The following ITFG1 variants were observed in gnomAD, a reference collection of about 807,000 sequenced individuals.
The protein encoded by ITFG1 is T-cell immunomodulatory protein.
In ITFG1, 34 loss-of-function variants were observed where a neutral mutation model predicts 81.8. That is an observed-to-expected ratio of 0.42 (90% CI 0.32 to 0.55). The LOEUF (loss-of-function observed/expected upper bound fraction) is 0.55. Ranked by LOEUF, ITFG1 falls within the 20% of genes least tolerant of loss-of-function variation. ITFG1 has a pLI of 0.17. For synonymous variants in ITFG1, 285 were observed against 270.6 expected, an observed-to-expected ratio of 1.05 and a Z score of -0.52; for missense variants, 672 against 755.4, an observed-to-expected ratio of 0.89 and a Z score of 1.29.
chr16:47,348,174 G>A lies in ITFG1; in HGVS notation c.802+17614C>T, dbSNP rs187434997. Among the ~76,000 whole-genome samples the A allele has an allele frequency of 3.7e-3, 557 of 152,298 alleles. 2 individuals carry two copies. Among genetic ancestry groups the A allele is most frequent in the Non-Finnish European group, 6.1e-3 (418 of 68,016 alleles). On this transcript the variant is annotated intron_variant, in intron 8 of 17. Coordinates refer to ENST00000320640, the MANE Select transcript of ITFG1 (RefSeq NM_030790.5). ...AGCACCTCTCCTCCTCCAAAGGAACGCAACTCCTCACCAGCAACGGAACAA... is the reference window on the plus strand; with the variant it reads ...AGCACCTCTCCTCCTCCAAAGGAACACAACTCCTCACCAGCAACGGAACAA...
At chr16:47,269,614 T>TA (rs1966315316) in intron 10 of ITFG1, among the ~76,000 whole-genome samples, 1 of 151,548 alleles carries the variant, frequency 6.6e-6, no homozygotes, top group African/African-American at 2.4e-5. Context: ...GAAACACTGT[T>TA]AAAAAATTAA....
chr16:47,178,470 T>A, intron 14 of ITFG1, among the ~76,000 whole-genome samples: 1 of 152,156 alleles, frequency 6.6e-6, no homozygotes, highest in Non-Finnish European at 1.5e-5. Context: ...AAACAAGAAA[T>A]GGGGAAAGGA....
At chr16:47,351,182 T>C (rs1038421905) in intron 8 of ITFG1, among the ~76,000 whole-genome samples, 1 of 152,142 alleles carries the variant, frequency 6.6e-6, no homozygotes, top group Non-Finnish European at 1.5e-5. Flanking sequence ...ACCACTAATA[T>C]TCAACATAGT....
At chr16:47,354,139 C>G (rs1208720635) in intron 8 of ITFG1, among the ~76,000 whole-genome samples, 2 of 152,028 alleles carry the variant, frequency 1.3e-5, no homozygotes, top group African/African-American at 4.8e-5. Context: ...ACCATAATAC[C>G]TTACTTTAAA....
At chr16:47,190,756 C>G (rs1356231981) in intron 14 of ITFG1, among the ~76,000 whole-genome samples, 1 of 152,090 alleles carries the variant, frequency 6.6e-6, no homozygotes, top group Non-Finnish European at 1.5e-5. Context: ...ACAAATTAAC[C>G]TAAAATTTAC....
At chr16:47,369,419 A>T (rs1968220443) in intron 7 of ITFG1, among the ~76,000 whole-genome samples, 2 of 152,156 alleles carry the variant, frequency 1.3e-5, no homozygotes, top group Non-Finnish European at 2.9e-5. Context: ...AGGGTTCTGG[A>T]GAGGTCAAAT....
chr16:47,377,704 T>C (rs1258961093), intron 6 of ITFG1, among the ~76,000 whole-genome samples: 2 of 152,162 alleles, frequency 1.3e-5, no homozygotes, highest in Non-Finnish European at 1.5e-5. Context: ...TCCGCTGTTA[T>C]TCTCCTTTGC....
At chr16:47,300,482 G>C (rs1333914790) in intron 10 of ITFG1, among the ~76,000 whole-genome samples, 1 of 152,134 alleles carries the variant, frequency 6.6e-6, no homozygotes, top group African/African-American at 2.4e-5. Flanking sequence ...AAGGTTCCTG[G>C]GCAAAGAAAG....
At chr16:47,457,623 TG>T (rs1347914529) in intron 2 of ITFG1, among the ~76,000 whole-genome samples, 1 of 152,028 alleles carries the variant, frequency 6.6e-6, no homozygotes, top group Non-Finnish European at 1.5e-5. Context: ...AGAATAAGGG[TG>T]AAGAATAGTT....
At chr16:47,329,111 T>G (rs1202707823) in intron 8 of ITFG1, among the ~76,000 whole-genome samples, 1 of 152,196 alleles carries the variant, frequency 6.6e-6, no homozygotes, top group Non-Finnish European at 1.5e-5. Context: ...GATGGTAAAG[T>G]AATATCATTG....
rs866091838 is a variant in ITFG1 at position 47,360,584 on chromosome 16, A to G, written c.802+5204T>C. ...TCTGCTTTCTAGCTTCTTTTATAAT[A>G]TAATCATCACCTGTTTATTTGAAGG... is the stretch of plus-strand genomic sequence containing the variant. On this transcript the variant is annotated intron_variant, in intron 8 of 17. Coordinates refer to ENST00000320640, the MANE Select transcript of ITFG1 (RefSeq NM_030790.5). 2.2e-4 allele frequency among the ~76,000 whole-genome samples: 34 copies of G among 152,310 alleles called. No individual in the cohort carries two copies. In the Middle Eastern group the frequency reaches 0.01, roughly 46 times the overall value.
chr16:47,366,101 T>A (rs1776796486), intron 7 of ITFG1, among the ~76,000 whole-genome samples: 1 of 152,208 alleles, frequency 6.6e-6, no homozygotes, highest in Non-Finnish European at 1.5e-5. Flanking sequence ...AATTCTAGTA[T>A]CTTTTACCAA....
At chr16:47,238,249 T>A in intron 12 of ITFG1, 1 of 320,826 alleles carries the variant, frequency 3.1e-6, no homozygotes, top group Non-Finnish European at 5.7e-6. Flanking sequence ...GTGAGATAAA[T>A]TATGATTATA....
Position 47,225,983 on chromosome 16 carries a change from C to G in ITFG1, c.1375-7037G>C, listed in dbSNP as rs1378321906. Among the ~76,000 whole-genome samples, 5 of 152,074 alleles carry G rather than the reference C, an allele frequency of 3.3e-5. No homozygotes were observed. The East Asian group carries it at 7.7e-4, about 24-fold the overall frequency. Reference sequence around the variant, plus strand: ...CTTTTCTCTTACCTGATATAAAAGACTATTGTTTGAAACAATAATTATAAA... The same window carrying G: ...CTTTTCTCTTACCTGATATAAAAGAGTATTGTTTGAAACAATAATTATAAA... On this transcript the variant is annotated intron_variant, in intron 13 of 17. Transcript: ENST00000320640.
intron 6 of ITFG1, among the ~76,000 whole-genome samples, chr16:47,382,665 G>A (rs1184957756): frequency 7.0e-6 from 1 of 143,540 alleles, no homozygotes; most frequent in Non-Finnish European, 1.5e-5. Flanking sequence ...GTGGGGGTGG[G>A]TGGTGGAAAC....
chr16:47,312,043 TAGTAA>T (rs1967273490), intron 9 of ITFG1: 1 of 152,192 alleles, frequency 6.6e-6, no homozygotes, highest in African/African-American at 2.4e-5. Flanking sequence ...GCTACATTTT[TAGTAA>T]ATTCCTTTAT....
At chr16:47,304,561 G>C (rs1428781760) in intron 10 of ITFG1, among the ~76,000 whole-genome samples, 1 of 152,168 alleles carries the variant, frequency 6.6e-6, no homozygotes. Flanking sequence ...ATTCCTTTGA[G>C]CATAAATGTT....
intron 5 of ITFG1, among the ~76,000 whole-genome samples, chr16:47,442,704 A>G (rs1289497536): frequency 1.3e-5 from 2 of 152,310 alleles, no homozygotes; most frequent in East Asian, 3.9e-4. Flanking sequence ...CCATATGGAG[A>G]AAGCTGAAAC....
intron 10 of ITFG1, among the ~76,000 whole-genome samples, chr16:47,275,170 C>T (rs1474419576): frequency 6.6e-6 from 1 of 152,062 alleles, no homozygotes; most frequent in Admixed American, 6.6e-5. Flanking sequence ...ATGTACCTGA[C>T]ATGTATGAAT....
Sources: gnomAD v4.1 joint callset for allele counts (sites outside exome capture counted in the v4.1 genomes callset) on GRCh38, gnomAD v4.1.1 for gene constraint, MANE v1.5 for transcripts, NCBI Gene and HGNC (gene_info 2026-07-23, HGNC 2026-07-21) for gene names.